SGCG: variants seen among roughly 807,000 people sequenced by gnomAD.
SGCG encodes the protein sarcoglycan gamma.
SGCG carries 26 observed loss-of-function variants against 29.3 expected under a neutral mutation model. That is an observed-to-expected ratio of 0.89 (90% CI 0.65 to 1.23). The LOEUF is 1.23. Ranked by LOEUF, SGCG falls within the 50% of genes most tolerant of loss-of-function variation. The probability of loss-of-function intolerance (pLI) is 0.00; values close to 1 mark genes in which losing one functional copy is unlikely to be tolerated. For missense variants in SGCG, 353 were observed against 356.0 expected (o/e 0.99, Z 0.07); for synonymous variants, 145 against 129.7 (o/e 1.12, Z -0.80).
In SGCG at chr13:23,246,819, A is replaced by G. The variant is rs559314647; in HGVS notation, c.298-3811A>G. 23 of 183,366 alleles carry G rather than the reference A, an allele frequency of 1.3e-4. No homozygotes were observed. The East Asian group carries it at 3.0e-3, about 24-fold the overall frequency. 11.4% of individuals were successfully genotyped at this position (183,366 alleles called of 1,614,324 possible). ...AGAAGCCGATGAAGACCTACTGGGC[A>G]TCTTGAAAAAATATGTGCCCTCTGA... On this transcript the variant is annotated intron_variant, in intron 3 of 7. Transcript: ENST00000218867.
chr13:23,324,917 G>C lies in SGCG; in HGVS notation c.*376G>C, dbSNP rs1339559475. The C allele has an allele frequency of 2.9e-6, 1 of 347,606 alleles. No homozygotes were observed. The highest frequency in any genetic ancestry group is 5.7e-6 in the Non-Finnish European group (1 of 176,886). The allele number at this position is 347,606 out of a possible 1,614,324, so 21.5% of individuals were successfully genotyped here. On this transcript the variant is annotated 3_prime_UTR_variant, in exon 8 of 8. Coordinates refer to ENST00000218867, the MANE Select transcript of SGCG (RefSeq NM_000231.3). Reference sequence around the variant, plus strand: ...CTCCACTGTGGATATCTAATGCCCTGTTGAGAGTAGCCTTGCTCAGTACTA... The same window carrying C: ...CTCCACTGTGGATATCTAATGCCCTCTTGAGAGTAGCCTTGCTCAGTACTA...
intron 1 of SGCG, among the ~76,000 whole-genome samples, chr13:23,189,709 TG>T (rs1437222552): frequency 1.3e-5 from 2 of 152,002 alleles, no homozygotes; most frequent in Non-Finnish European, 1.5e-5. Context: ...TTCATGGAGG[TG>T]GGGCAAATAG....
chr13:23,168,379 A>T, the SGCG span, among the ~76,000 whole-genome samples: 1 of 152,136 alleles, frequency 6.6e-6, no homozygotes, highest in Non-Finnish European at 1.5e-5. Flanking sequence ...CTATAATATA[A>T]GCTCTAAGAA....
At chr13:23,260,389 A>G (rs1020875209) in intron 4 of SGCG, among the ~76,000 whole-genome samples, 6 of 151,856 alleles carry the variant, frequency 4.0e-5, no homozygotes, top group African/African-American at 1.5e-4. Flanking sequence ...TTTGCTTTCC[A>G]TTTGCTTGGT....
chr13:23,295,710 TTCC>T (rs1881880549), intron 6 of SGCG, among the ~76,000 whole-genome samples: 1 of 152,192 alleles, frequency 6.6e-6, no homozygotes, highest in Non-Finnish European at 1.5e-5. Context: ...AGCCTCCTCC[TTCC>T]TCCTCCTTCT....
chr13:23,198,450 C>T (rs1458696595), intron 1 of SGCG, among the ~76,000 whole-genome samples: 1 of 152,116 alleles, frequency 6.6e-6, no homozygotes, highest in Non-Finnish European at 1.5e-5. Context: ...CATATGAAAG[C>T]AGATATTTAC....
chr13:23,233,253 A>C (rs1000422778), intron 2 of SGCG, among the ~76,000 whole-genome samples: 3 of 152,236 alleles, frequency 2.0e-5, no homozygotes, highest in South Asian at 2.1e-4. Context: ...CAGAAATGTC[A>C]TGATATGCTA....
chr13:23,217,546 A>G (rs1389070348), intron 2 of SGCG: 1 of 152,048 alleles, frequency 6.6e-6, no homozygotes, highest in Non-Finnish European at 1.5e-5. Context: ...ACATCTGAGA[A>G]TTCCTGAGTC....
chr13:23,295,061 A>T (rs1286382201), intron 5 of SGCG, among the ~76,000 whole-genome samples: 1 of 152,226 alleles, frequency 6.6e-6, no homozygotes, highest in Non-Finnish European at 1.5e-5. Context: ...AAATCTAGAG[A>T]ATTAGTTAAA....
chr13:23,306,309 C>T (rs1463278140), intron 6 of SGCG, among the ~76,000 whole-genome samples: 1 of 152,024 alleles, frequency 6.6e-6, no homozygotes, highest in Non-Finnish European at 1.5e-5. Context: ...TCTCTGGAAC[C>T]ATATGGGCCT....
chr13:23,253,491 A>G (rs186342099), intron 4 of SGCG, among the ~76,000 whole-genome samples: 26 of 152,302 alleles, frequency 1.7e-4, no homozygotes, highest in African/African-American at 5.5e-4. Context: ...TTCTAGTCTC[A>G]TATTTCCTGG....
chr13:23,164,778 G>A, the SGCG span, among the ~76,000 whole-genome samples: 3 of 151,994 alleles, frequency 2.0e-5, no homozygotes, highest in Non-Finnish European at 2.9e-5. Context: ...GCTCTCCTCC[G>A]GCCTCCTGCC....
intron 5 of SGCG, among the ~76,000 whole-genome samples, chr13:23,293,704 C>A (rs978223867): frequency 2.6e-5 from 4 of 151,986 alleles, no homozygotes; most frequent in Non-Finnish European, 2.9e-5. Flanking sequence ...TGGTGGTGGG[C>A]ACCTGTAGTC....
intron 6 of SGCG, among the ~76,000 whole-genome samples, chr13:23,297,432 C>G (rs920467903): frequency 2.6e-5 from 4 of 152,036 alleles, no homozygotes; most frequent in African/African-American, 7.2e-5. Flanking sequence ...TAACAGCAAG[C>G]GAGTCATTAG....
chr13:23,212,681 G>A (rs74532635), intron 2 of SGCG, among the ~76,000 whole-genome samples: 1 of 152,194 alleles, frequency 6.6e-6, no homozygotes, highest in African/African-American at 2.4e-5. Flanking sequence ...GGCATGATAT[G>A]AGGGAGTGAG....
At chr13:23,274,691 G>A (rs1012807208) in intron 4 of SGCG, among the ~76,000 whole-genome samples, 3 of 152,068 alleles carry the variant, frequency 2.0e-5, no homozygotes, top group African/African-American at 4.8e-5. Context: ...CAAAGTGCTG[G>A]GATTATGGGC....
At chr13:23,263,162 CAA>C (rs59432703) in intron 4 of SGCG, among the ~76,000 whole-genome samples, 56,686 of 148,554 alleles carry the variant, frequency 0.38, 11,087 homozygotes, top group South Asian at 0.51. Context: ...AGAGCAGAAA[CAA>C]AAAAAAAATA....
intron 6 of SGCG, among the ~76,000 whole-genome samples, chr13:23,319,943 C>G (rs1882972084): frequency 6.6e-6 from 1 of 152,196 alleles, no homozygotes; most frequent in Non-Finnish European, 1.5e-5. Context: ...ATAAATTTTA[C>G]AAAACCAAAA....
intron 5 of SGCG, among the ~76,000 whole-genome samples, chr13:23,280,021 C>G (rs1425901622): frequency 1.3e-5 from 2 of 152,130 alleles, no homozygotes; most frequent in African/African-American, 4.8e-5. Context: ...AGCCACAACA[C>G]CCTGCCACCC....
Sources: allele counts gnomAD v4.1 joint callset (sites outside exome capture counted in the v4.1 genomes callset), GRCh38; gene constraint gnomAD v4.1.1; transcripts MANE v1.5; gene names NCBI Gene and HGNC (gene_info 2026-07-23, HGNC 2026-07-21).